NAP1L1: variants seen among roughly 807,000 people sequenced by gnomAD.
The protein encoded by NAP1L1 is nucleosome assembly protein 1-like 1.
NAP1L1 carries 9 observed loss-of-function variants against 58.9 expected under a neutral mutation model. The ratio of observed to expected loss-of-function variants is 0.15; its 90% CI spans 0.09 to 0.27. The LOEUF (loss-of-function observed/expected upper bound fraction) is 0.27. Among genes scored for constraint, NAP1L1 ranks in the 10% least tolerant of loss-of-function variants. NAP1L1 has a pLI of 1.00. For synonymous variants in NAP1L1, 130 were observed against 138.3 expected (o/e 0.94, Z 0.42); for missense variants, 302 against 458.8 (o/e 0.66, Z 3.12).
chr12:76,083,990 T>A (rs950545069), intron 1 of NAP1L1: 3 of 151,128 alleles, frequency 2.0e-5, no homozygotes, highest in African/African-American at 7.3e-5. Context: ...CCGCCCCCAA[T>A]GGGCGGAGAG....
intron 3 of NAP1L1, chr12:76,067,678 C>G (rs1949745505): frequency 6.6e-6 from 3 of 457,246 alleles, no homozygotes; most frequent in Non-Finnish European, 8.0e-6. Flanking sequence ...CCTAATCTAT[C>G]TCTAGTCAAG....
chr12:76,061,627 CCTCT>C (rs1187517552), intron 4 of NAP1L1, among the ~76,000 whole-genome samples: 1 of 152,106 alleles, frequency 6.6e-6, no homozygotes, highest in Non-Finnish European at 1.5e-5. Context: ...AATGATTAAA[CCTCT>C]CTAACAATAA....
chr12:76,065,028 T>C (rs1160581223), intron 4 of NAP1L1, among the ~76,000 whole-genome samples: 3 of 152,150 alleles, frequency 2.0e-5, no homozygotes, highest in Non-Finnish European at 4.4e-5. Context: ...TGCACATACA[T>C]ACATGCATGC....
In NAP1L1 at chr12:76,041,203, C is replaced by T. The variant is rs557038365; in HGVS notation, c.*7226G>A. The T allele has an allele frequency of 1.3e-5, 2 of 152,320 alleles. No homozygotes were observed. Among genetic ancestry groups the T allele is most frequent in the South Asian group, 2.1e-4 (1 of 4,820 alleles). 9.4% of individuals were successfully genotyped at this position (152,320 alleles called of 1,614,324 possible). A position where few individuals can be genotyped will look rare whatever the true frequency, so the allele number is the denominator to read the frequency against. On this transcript the variant is annotated 3_prime_UTR_variant, in exon 15 of 15. Transcript: ENST00000618691. ...GTCCCACACAGGATTATGGTTGGTA[C>T]ATTGAATGGGTCTAGATAAATCCTA... is the stretch of plus-strand genomic sequence containing the variant.
chr12:76,057,219 G>A, intron 6 of NAP1L1: 1 of 224,522 alleles, frequency 4.5e-6, no homozygotes, highest in South Asian at 6.5e-5. Flanking sequence ...CTTGGGCCCA[G>A]GAATGAGCTG....
rs1261561106 is a variant in NAP1L1 at position 76,067,391 on chromosome 12, T to C, written c.186A>G (p.Thr62=). ...TGTACCTTTCAATGTATCCTGTTGG[T>C]GTTTCTACCAGACCATCAAGTCTTT... ...LQERLDGLVE[T]PTGYIESLPR... Residue 62 remains threonine (T), a synonymous_variant, in exon 4 of 15, where the codon ACA becomes ACG. Coordinates refer to ENST00000618691, the MANE Select transcript of NAP1L1 (RefSeq NM_004537.7). The C allele has an allele frequency of 3.1e-6, 5 of 1,609,642 alleles. No individual in the cohort carries two copies. The highest frequency in any genetic ancestry group is 3.4e-6 in the Non-Finnish European group (4 of 1,177,274).
At chr12:76,066,213 T>C (rs2137045083) in intron 4 of NAP1L1, among the ~76,000 whole-genome samples, 1 of 151,822 alleles carries the variant, frequency 6.6e-6, no homozygotes, top group East Asian at 1.9e-4. Flanking sequence ...GTACAACTAA[T>C]ACAAAGGTAG....
rs1565738536 is a variant in NAP1L1, at chr12:76,068,960, C to T, written c.52G>A (p.Asp18Asn). ...TCCTCTTCTTCTACTTCTTCAACAT[C>T]ATCCAAATCTTGATCAAGTTCAGAC... ...EQSELDQDLD[D>N]VEEVEEEETG... The change falls in exon 3 of 15, where the codon GAT becomes AAT. Residue 18 changes from aspartate to asparagine, a missense_variant. Asp to Asn is a conservative substitution (Grantham distance 23). Coordinates refer to ENST00000618691, the MANE Select transcript of NAP1L1 (RefSeq NM_004537.7). 3.7e-6 allele frequency: 6 copies of T among 1,613,360 alleles called. No individual in the cohort carries two copies. Among genetic ancestry groups the T allele is most frequent in the Non-Finnish European group, 5.1e-6 (6 of 1,179,672 alleles).
rs1949319632 is a variant in NAP1L1, at chr12:76,059,844, G to A, written c.383C>T (p.Thr128Met). 6.2e-6 allele frequency: 10 copies of A among 1,600,430 alleles called. No homozygotes were observed. The highest frequency in any genetic ancestry group is 1.8e-5 in the Admixed American group (1 of 57,088). ...TGGTTTCCATTCACATTCTTCTTCCGTAGGTTCATAAATTGCATTAATAAT... is the reference window on the plus strand; with the variant it reads ...TGGTTTCCATTCACATTCTTCTTCCATAGGTTCATAAATTGCATTAATAAT... ...FEIINAIYEPTEEECEWKPDE... is the reference protein window; with the variant it reads ...FEIINAIYEPMEEECEWKPDE... The change falls in exon 6 of 15, where the codon ACG becomes ATG. Residue 128 changes from threonine (T) to methionine (M), a missense_variant. Coordinates refer to ENST00000618691, the MANE Select transcript of NAP1L1 (RefSeq NM_004537.7).
chr12:76,052,794 C>G (rs1328796641), intron 11 of NAP1L1, among the ~76,000 whole-genome samples: 2 of 152,082 alleles, frequency 1.3e-5, no homozygotes, highest in Non-Finnish European at 2.9e-5. Context: ...GTATAAGTGA[C>G]TTAATATATT....
At chr12:76,077,912 G>A (rs746235353) in intron 1 of NAP1L1, among the ~76,000 whole-genome samples, 6 of 145,578 alleles carry the variant, frequency 4.1e-5, no homozygotes, top group Non-Finnish European at 7.5e-5. Flanking sequence ...TGAACCCAGA[G>A]GAGGAGGCTG....
chr12:76,073,421 G>A (rs1354851565), intron 2 of NAP1L1, among the ~76,000 whole-genome samples: 4 of 152,068 alleles, frequency 2.6e-5, no homozygotes, highest in African/African-American at 9.7e-5. Context: ...ATCCACATTA[G>A]AATCCTGCCA....
At position 76,059,890 on chromosome 12, in the gene NAP1L1, T is replaced by TAA; in HGVS notation, c.349-14_349-13dup. 6.4e-6 allele frequency: 9 copies of TAA among 1,410,232 alleles called. No homozygotes were observed. The highest frequency in any genetic ancestry group is 2.2e-5 in the Admixed American group (1 of 44,600). The allele number at this position is 1,410,232 out of a possible 1,614,324, so 87.4% of individuals were successfully genotyped here. A position where few individuals can be genotyped will look rare whatever the true frequency, so the allele number is the denominator to read the frequency against. On this transcript the variant is annotated splice_polypyrimidine_tract_variant and intron_variant, in intron 5 of 14. Transcript: ENST00000618691. ...ATAATTTCAAATCGCTAAAATGATTTAAAAAAAAAAGGCTGTATAAAAACA... is the reference window on the plus strand; with the variant it reads ...ATAATTTCAAATCGCTAAAATGATTTAAAAAAAAAAAAGGCTGTATAAAAACA...
At position 76,051,030 on chromosome 12, in the gene NAP1L1, T is replaced by C. The variant is rs74236586; in HGVS notation, c.937-377A>G. 8.3e-4 allele frequency among the ~76,000 whole-genome samples: 125 copies of C among 151,448 alleles called. 5 individuals carry two copies. In the East Asian group the frequency reaches 0.021, roughly 25 times the overall value. On this transcript the variant is annotated intron_variant, in intron 11 of 14. Coordinates refer to ENST00000618691, the MANE Select transcript of NAP1L1 (RefSeq NM_004537.7). Reference sequence around the variant, plus strand: ...AAAAAAAAAAAAAAAAGACAGACTCTTCAGTTTAAATTATATGATGAAGGG... The same window carrying C: ...AAAAAAAAAAAAAAAAGACAGACTCCTCAGTTTAAATTATATGATGAAGGG...
intron 4 of NAP1L1, among the ~76,000 whole-genome samples, chr12:76,066,980 C>T (rs933952990): frequency 6.6e-6 from 1 of 151,788 alleles, no homozygotes; most frequent in African/African-American, 2.4e-5. Context: ...TAGACAGTAA[C>T]TGAATGGATC....
At chr12:76,054,032 A>C (rs1478648425) in intron 8 of NAP1L1, 123 bp from the exon 9 acceptor site, 1 of 1,149,186 alleles carries the variant, frequency 8.7e-7, no homozygotes, top group African/African-American at 1.6e-5. Flanking sequence ...CTACTCTGAA[A>C]TACAATCTTC....
rs1386599019 is a variant in NAP1L1, at chr12:76,042,301, A to G, written c.*6128T>C. 6.6e-6 allele frequency: 1 copy of G among 152,182 alleles called. No individual in the cohort carries two copies. Among genetic ancestry groups the G allele is most frequent in the East Asian group, 1.9e-4 (1 of 5,190 alleles). 9.4% of individuals were successfully genotyped at this position (152,182 alleles called of 1,614,324 possible). On this transcript the variant is annotated 3_prime_UTR_variant, in exon 15 of 15. Coordinates refer to ENST00000618691, the MANE Select transcript of NAP1L1 (RefSeq NM_004537.7). ...GTTTAGGAAGTGCTCATAGGCTCTA[A>G]GTACTTTTGTTTCCTTATTAATGTT... is the stretch of plus-strand genomic sequence containing the variant.
rs1383505224 is a variant in NAP1L1 at position 76,036,920 on chromosome 12, A to G, written c.*11509T>C. ...AAACCCCGTCTCTACTAAAAATACA[A>G]AAAAAAAAAAAACCCACAGCGCCTG... On this transcript the variant is annotated 3_prime_UTR_variant, in exon 15 of 15. Transcript: ENST00000618691. 3 of 147,456 alleles carry G rather than the reference A, an allele frequency of 2.0e-5. No homozygotes were observed. The highest frequency in any genetic ancestry group is 4.5e-5 in the Non-Finnish European group (3 of 66,438). 9.1% of individuals were successfully genotyped at this position (147,456 alleles called of 1,614,324 possible).
chr12:76,070,524 T>C lies in NAP1L1; in HGVS notation c.18-1530A>G, dbSNP rs756385288. Among the ~76,000 whole-genome samples, 11 of 152,222 alleles carry C rather than the reference T, an allele frequency of 7.2e-5. No individual in the cohort carries two copies. In the East Asian group the frequency reaches 9.6e-4, roughly 13 times the overall value. On this transcript the variant is annotated intron_variant, in intron 2 of 14. Transcript: ENST00000618691. ...CTCCTCCTCTCGTGTCTTTAATCAA[T>C]TGAACATCTATATCCAAAGGCTTTA...
Sources: gnomAD v4.1 joint callset for allele counts (sites outside exome capture counted in the v4.1 genomes callset) on GRCh38, gnomAD v4.1.1 for gene constraint, MANE v1.5 for transcripts, NCBI Gene and HGNC (gene_info 2026-07-23, HGNC 2026-07-21) for gene names.